UNC5D: variants seen among roughly 807,000 people sequenced by gnomAD.
The protein encoded by UNC5D is netrin receptor UNC5D.
In UNC5D, 39 loss-of-function variants were observed where a neutral mutation model predicts 105.4. The observed-to-expected ratio is 0.37, with a 90% confidence interval of 0.29 to 0.48. The LOEUF is 0.48. Ranked by LOEUF, UNC5D falls within the 20% of genes least tolerant of loss-of-function variation. The probability of loss-of-function intolerance (pLI) is 0.98; values close to 1 mark genes in which losing one functional copy is unlikely to be tolerated. For missense variants in UNC5D, 991 were observed against 1,202.4 expected, an observed-to-expected ratio of 0.82 and a Z score of 2.60; for synonymous variants, 452 against 450.4, an observed-to-expected ratio of 1.00 and a Z score of -0.04.
intron 1 of UNC5D, among the ~76,000 whole-genome samples, chr8:35,359,357 A>G (rs1209380242): frequency 1.3e-5 from 2 of 152,192 alleles, no homozygotes; most frequent in Non-Finnish European, 2.9e-5. Flanking sequence ...ACCAGCTTCT[A>G]TGTGATTGCC....
At chr8:35,681,118 G>A (rs1308576616) in intron 4 of UNC5D, among the ~76,000 whole-genome samples, 2 of 152,120 alleles carry the variant, frequency 1.3e-5, no homozygotes, top group Non-Finnish European at 2.9e-5. Context: ...TAACTGTAGA[G>A]GCAAGAATAG....
chr8:35,756,282 C>CA (rs1222862923), intron 13 of UNC5D, among the ~76,000 whole-genome samples: 4 of 151,872 alleles, frequency 2.6e-5, no homozygotes, highest in Non-Finnish European at 5.9e-5. Flanking sequence ...GCGAAAAGAG[C>CA]AAAAAATAAA....
At chr8:35,493,592 A>G (rs1306947249) in intron 1 of UNC5D, among the ~76,000 whole-genome samples, 1 of 151,834 alleles carries the variant, frequency 6.6e-6, no homozygotes, top group Admixed American at 6.6e-5. Context: ...AAGCAAAACA[A>G]AAAAGCAAGC....
At chr8:35,512,716 A>G (rs1812839077) in intron 1 of UNC5D, among the ~76,000 whole-genome samples, 2 of 150,748 alleles carry the variant, frequency 1.3e-5, no homozygotes, top group South Asian at 4.2e-4. Flanking sequence ...TGGTGAACTT[A>G]CCCGTTTTAG....
chr8:35,296,082 G>T (rs990528696), intron 1 of UNC5D, among the ~76,000 whole-genome samples: 1 of 152,152 alleles, frequency 6.6e-6, no homozygotes, highest in Non-Finnish European at 1.5e-5. Flanking sequence ...GATGAACAGA[G>T]TTTTTTCCGC....
intron 1 of UNC5D, among the ~76,000 whole-genome samples, chr8:35,431,686 A>G (rs570195613): frequency 6.6e-6 from 1 of 152,218 alleles, no homozygotes; most frequent in Admixed American, 6.5e-5. Flanking sequence ...ATATACCAAC[A>G]TATATTTTAT....
At chr8:35,612,251 A>G (rs1354483664) in intron 4 of UNC5D, among the ~76,000 whole-genome samples, 2 of 152,216 alleles carry the variant, frequency 1.3e-5, no homozygotes, top group Non-Finnish European at 1.5e-5. Context: ...GGTTTTTGTC[A>G]ATGCAGTACA....
chr8:35,607,521 G>A (rs145699435), intron 4 of UNC5D, among the ~76,000 whole-genome samples: 104 of 152,132 alleles, frequency 6.8e-4, no homozygotes, highest in African/African-American at 2.3e-3. Flanking sequence ...GCTTTGTGTC[G>A]TCATCCAAAT....
chr8:35,469,413 G>C (rs1348323540), intron 1 of UNC5D, among the ~76,000 whole-genome samples: 1 of 152,092 alleles, frequency 6.6e-6, no homozygotes, highest in Admixed American at 6.5e-5. Flanking sequence ...GAAGTAAATA[G>C]TATCTTCAGA....
chr8:35,405,474 T>C (rs1804746021), intron 1 of UNC5D, among the ~76,000 whole-genome samples: 1 of 152,230 alleles, frequency 6.6e-6, no homozygotes, highest in South Asian at 2.1e-4. Context: ...CTTTAAATTG[T>C]ATAGCAATGT....
chr8:35,352,233 CAG>C (rs1812289647), intron 1 of UNC5D, among the ~76,000 whole-genome samples: 1 of 151,912 alleles, frequency 6.6e-6, no homozygotes, highest in African/African-American at 2.4e-5. Flanking sequence ...GTTAAATAAT[CAG>C]GTTCAAATTA....
At chr8:35,536,169 G>A (rs1042720231) in intron 1 of UNC5D, among the ~76,000 whole-genome samples, 1 of 152,188 alleles carries the variant, frequency 6.6e-6, no homozygotes, top group African/African-American at 2.4e-5. Flanking sequence ...AAGAGGATAA[G>A]GAAATTAAGC....
chr8:35,245,987 C>G (rs1803067999), intron 1 of UNC5D, among the ~76,000 whole-genome samples: 2 of 152,148 alleles, frequency 1.3e-5, no homozygotes, highest in Non-Finnish European at 2.9e-5. Context: ...CATGGTGTCT[C>G]CCATCTAACC....
intron 11 of UNC5D, among the ~76,000 whole-genome samples, chr8:35,734,850 T>A (rs919985825): frequency 6.7e-6 from 1 of 148,990 alleles, no homozygotes; most frequent in African/African-American, 2.6e-5. Flanking sequence ...TGGCGCCATC[T>A]TGGCTCACTG....
chr8:35,711,899 C>T (rs1827988876), intron 8 of UNC5D, among the ~76,000 whole-genome samples: 1 of 152,188 alleles, frequency 6.6e-6, no homozygotes, highest in Admixed American at 6.6e-5. Flanking sequence ...GTTCAATTTA[C>T]CAGAGTCTAG....
At chr8:35,416,355 A>G (rs1429259486) in intron 1 of UNC5D, among the ~76,000 whole-genome samples, 1 of 152,204 alleles carries the variant, frequency 6.6e-6, no homozygotes, top group African/African-American at 2.4e-5. Flanking sequence ...GAGCCCAGCA[A>G]AAGAAAGAAA....
intron 1 of UNC5D, among the ~76,000 whole-genome samples, chr8:35,260,672 C>T (rs1804427869): frequency 6.6e-6 from 1 of 152,132 alleles, no homozygotes; most frequent in Non-Finnish European, 1.5e-5. Flanking sequence ...CCGTGTTGCC[C>T]AGGCTGGTCT....
intron 12 of UNC5D, among the ~76,000 whole-genome samples, chr8:35,749,617 ATTTAGTGCGT>A (rs1830168671): frequency 6.6e-6 from 1 of 152,188 alleles, no homozygotes; most frequent in Non-Finnish European, 1.5e-5. Flanking sequence ...GCATTCTGCT[ATTTAGTGCGT>A]TTTAGTGCAA....
At chr8:35,614,671 G>A (rs74563391) in intron 4 of UNC5D, among the ~76,000 whole-genome samples, 1,522 of 152,098 alleles carry the variant, frequency 0.01, 15 homozygotes, top group Non-Finnish European at 0.017. Flanking sequence ...AAAGAGATAA[G>A]AAAATGAGGT....
Sources: allele counts gnomAD v4.1 joint callset (sites outside exome capture counted in the v4.1 genomes callset), GRCh38; gene constraint gnomAD v4.1.1; transcripts MANE v1.5; gene names NCBI Gene and HGNC (gene_info 2026-07-23, HGNC 2026-07-21).